The following FOXN3 variants were observed in gnomAD, a reference collection of about 807,000 sequenced individuals.
The protein encoded by FOXN3 is forkhead box protein N3.
Under a neutral mutation model 38.4 loss-of-function variants are expected in FOXN3, and 7 were observed. The ratio of observed to expected loss-of-function variants is 0.18; its 90% CI spans 0.10 to 0.34. The LOEUF (loss-of-function observed/expected upper bound fraction) is 0.34. Among genes scored for constraint, FOXN3 ranks in the 10% least tolerant of loss-of-function variants. FOXN3 has a pLI of 1.00. For synonymous variants in FOXN3, 230 were observed against 242.2 expected, an observed-to-expected ratio of 0.95 and a Z score of 0.47; for missense variants, 456 against 613.4, an observed-to-expected ratio of 0.74 and a Z score of 2.71.
chr14:89,481,932 T>C (rs1329519514), intron 1 of FOXN3, among the ~76,000 whole-genome samples: 1 of 152,188 alleles, frequency 6.6e-6, no homozygotes. Flanking sequence ...TGGGGTAAAC[T>C]GGCGTATGCT....
chr14:89,451,188 T>C (rs1596279032), intron 1 of FOXN3, among the ~76,000 whole-genome samples: 1 of 152,138 alleles, frequency 6.6e-6, no homozygotes, highest in Non-Finnish European at 1.5e-5. Context: ...AAATCAGACA[T>C]ACCTTAGCTG....
intron 2 of FOXN3, among the ~76,000 whole-genome samples, chr14:89,391,931 C>T (rs1890958945): frequency 6.6e-6 from 1 of 152,228 alleles, no homozygotes; most frequent in South Asian, 2.1e-4. Flanking sequence ...TGCTTGAACC[C>T]AGGAGGTGGA....
At chr14:89,252,587 G>C (rs757877235) in intron 4 of FOXN3, among the ~76,000 whole-genome samples, 7 of 150,414 alleles carry the variant, frequency 4.7e-5, no homozygotes, top group Admixed American at 2.7e-4. Flanking sequence ...CCGGGAGGCA[G>C]AGGTTGCAGT....
At chr14:89,176,777 T>C (rs914353262) in intron 5 of FOXN3, among the ~76,000 whole-genome samples, 2 of 152,198 alleles carry the variant, frequency 1.3e-5, no homozygotes, top group African/African-American at 2.4e-5. Flanking sequence ...GATGCCTCCA[T>C]AGCTATGTTT....
At chr14:89,599,628 A>T (rs1896121626) in intron 1 of FOXN3, among the ~76,000 whole-genome samples, 1 of 152,062 alleles carries the variant, frequency 6.6e-6, no homozygotes, top group South Asian at 2.1e-4. Context: ...TGACTGACAG[A>T]TATAGTACAT....
At chr14:89,427,019 G>T (rs1238172742) in intron 1 of FOXN3, among the ~76,000 whole-genome samples, 1 of 151,774 alleles carries the variant, frequency 6.6e-6, no homozygotes, top group African/African-American at 2.4e-5. Flanking sequence ...ATCACTTGAG[G>T]TCAGGAGTTC....
intron 1 of FOXN3, among the ~76,000 whole-genome samples, chr14:89,489,360 T>G (rs1236809240): frequency 1.3e-5 from 2 of 152,248 alleles, no homozygotes; most frequent in Admixed American, 6.5e-5. Context: ...AATTAACACT[T>G]GTTATCCTAC....
At chr14:89,302,554 C>A (rs1359205972) in intron 3 of FOXN3, among the ~76,000 whole-genome samples, 1 of 152,204 alleles carries the variant, frequency 6.6e-6, no homozygotes, top group Non-Finnish European at 1.5e-5. Context: ...TTGGAGGAAA[C>A]TGACTCACAC....
At chr14:89,288,652 CTGT>C (rs1886718210) in intron 3 of FOXN3, among the ~76,000 whole-genome samples, 1 of 51,254 alleles carries the variant, frequency 2.0e-5, no homozygotes, top group African/African-American at 5.9e-5. Flanking sequence ...ACTCCAAAGG[CTGT>C]AATAGGCACT....
At chr14:89,273,906 G>C (rs773371328) in intron 4 of FOXN3, among the ~76,000 whole-genome samples, 1 of 152,230 alleles carries the variant, frequency 6.6e-6, no homozygotes, top group Non-Finnish European at 1.5e-5. Context: ...TAGGACTTAG[G>C]TGTTGGGGGG....
At chr14:89,529,941 AT>A (rs57214820) in intron 1 of FOXN3, among the ~76,000 whole-genome samples, 48,037 of 143,358 alleles carry the variant, frequency 0.34, 7,609 homozygotes, top group African/African-American at 0.36. Flanking sequence ...AGACTGTGTA[AT>A]TTTTTTTTTT....
intron 1 of FOXN3, among the ~76,000 whole-genome samples, chr14:89,541,833 T>A (rs898826462): frequency 2.6e-5 from 4 of 152,102 alleles, no homozygotes; most frequent in Non-Finnish European, 5.9e-5. Context: ...TTGAGCAAAC[T>A]TTTTCACTTC....
At chr14:89,606,783 G>A (rs1028112584) in intron 1 of FOXN3, among the ~76,000 whole-genome samples, 6 of 152,176 alleles carry the variant, frequency 3.9e-5, no homozygotes, top group Non-Finnish European at 8.8e-5. Context: ...GGGAGGCAGA[G>A]GTTGCAGTGA....
chr14:89,156,585 C>T lies in FOXN3; in HGVS notation c.*5829G>A, dbSNP rs993872478. 1.1e-4 allele frequency: 16 copies of T among 151,056 alleles called. No individual in the cohort carries two copies. The highest frequency in any genetic ancestry group is 3.6e-4 in the African/African-American group (15 of 41,098). 9.4% of individuals were successfully genotyped at this position (151,056 alleles called of 1,614,324 possible). On this transcript the variant is annotated 3_prime_UTR_variant, in exon 6 of 6. Coordinates refer to ENST00000557258, the MANE Select transcript of FOXN3 (RefSeq NM_005197.4). The stretch of plus-strand genomic sequence containing the variant: ...GGTCTATTGGCCAGCCAAGGTCAGA[C>T]GACCCTAAGCATCAATAGTAAACCT...
intron 1 of FOXN3, among the ~76,000 whole-genome samples, chr14:89,463,218 G>A (rs1160625080): frequency 6.6e-6 from 1 of 151,672 alleles, no homozygotes; most frequent in Non-Finnish European, 1.5e-5. Flanking sequence ...GAACCCGGGA[G>A]GCAGAGCCTG....
chr14:89,224,403 A>C (rs1884566359), intron 4 of FOXN3, among the ~76,000 whole-genome samples: 1 of 152,258 alleles, frequency 6.6e-6, no homozygotes, highest in Admixed American at 6.5e-5. Flanking sequence ...CAAAAGCCTA[A>C]GGAGAGGTGA....
intron 2 of FOXN3, among the ~76,000 whole-genome samples, chr14:89,377,312 A>AAAATAAATAAATAAATAAATAAAT (rs34397438): frequency 4.3e-4 from 65 of 149,756 alleles, no homozygotes; most frequent in African/African-American, 1.5e-3. Flanking sequence ...ATGCTGGTAA[A>AAAATAAATAAATAAATAAATAAAT]AAATAAATAA....
At chr14:89,344,630 G>A (rs953747662) in intron 3 of FOXN3, among the ~76,000 whole-genome samples, 6 of 152,178 alleles carry the variant, frequency 3.9e-5, no homozygotes, top group Non-Finnish European at 8.8e-5. Context: ...GCTGTTTATA[G>A]GGTGTTAATG....
chr14:89,543,587 C>T (rs1280755972), intron 1 of FOXN3, among the ~76,000 whole-genome samples: 2 of 152,216 alleles, frequency 1.3e-5, no homozygotes, highest in Non-Finnish European at 2.9e-5. Flanking sequence ...TCTATTCCTC[C>T]GGCAAGGTTG....
Sources: allele counts gnomAD v4.1 joint callset (sites outside exome capture counted in the v4.1 genomes callset), GRCh38; gene constraint gnomAD v4.1.1; transcripts MANE v1.5; gene names NCBI Gene and HGNC (gene_info 2026-07-23, HGNC 2026-07-21).